DGKB: variants seen among roughly 807,000 people sequenced by gnomAD.
The protein encoded by DGKB is 90 kDa diacylglycerol kinase.
DGKB carries 67 observed loss-of-function variants against 114.3 expected under a neutral mutation model. The observed-to-expected ratio is 0.59, with a 90% CI of 0.48 to 0.72. DGKB has a LOEUF of 0.72. Among genes scored for constraint, DGKB ranks in the 30% least tolerant of loss-of-function variants. The pLI is 0.00. For synonymous variants in DGKB, 398 were observed against 323.1 expected (o/e 1.23, Z -2.49); for missense variants, 907 against 975.2 (o/e 0.93, Z 0.93).
intron 5 of DGKB, among the ~76,000 whole-genome samples, chr7:14,728,635 T>G (rs1386888949): frequency 6.6e-6 from 1 of 151,754 alleles, no homozygotes; most frequent in Non-Finnish European, 1.5e-5. Flanking sequence ...CCTATCTTAG[T>G]TTAAGTGAAT....
At chr7:14,280,347 A>C (rs1247011568) in intron 23 of DGKB, among the ~76,000 whole-genome samples, 2 of 152,110 alleles carry the variant, frequency 1.3e-5, no homozygotes, top group South Asian at 2.1e-4. Flanking sequence ...CCTCCAAGAA[A>C]TATGGGACTA....
intron 2 of DGKB, among the ~76,000 whole-genome samples, chr7:14,772,365 TG>T (rs776118249): frequency 1.3e-5 from 2 of 152,154 alleles, no homozygotes; most frequent in Admixed American, 6.6e-5. Flanking sequence ...AAAAAAGAAC[TG>T]GTTCTACAGT....
chr7:14,490,227 T>C (rs1187346261), intron 20 of DGKB, among the ~76,000 whole-genome samples: 2 of 152,176 alleles, frequency 1.3e-5, no homozygotes, highest in Non-Finnish European at 2.9e-5. Flanking sequence ...TATGTAACTA[T>C]ATGTAAATAG....
At chr7:14,223,535 A>T in intron 23 of DGKB, among the ~76,000 whole-genome samples, 2 of 151,938 alleles carry the variant, frequency 1.3e-5, no homozygotes, top group South Asian at 4.1e-4. Context: ...AATATATATA[A>T]AAAAGGGCAA....
intron 6 of DGKB, among the ~76,000 whole-genome samples, chr7:14,717,647 T>C (rs1828427499): frequency 6.6e-6 from 1 of 152,118 alleles, no homozygotes; most frequent in Non-Finnish European, 1.5e-5. Flanking sequence ...CCAATAATAA[T>C]TCTGAGACGT....
At chr7:14,370,492 C>G (rs1394627885) in intron 21 of DGKB, among the ~76,000 whole-genome samples, 1 of 152,026 alleles carries the variant, frequency 6.6e-6, no homozygotes, top group Non-Finnish European at 1.5e-5. Flanking sequence ...GGAGATAACA[C>G]TGAATCTATA....
intron 23 of DGKB, among the ~76,000 whole-genome samples, chr7:14,312,541 T>G (rs1365293801): frequency 6.6e-6 from 1 of 152,212 alleles, no homozygotes. Flanking sequence ...TATTTACTCT[T>G]GAGTACAATT....
At chr7:14,336,301 C>T (rs541743465) in intron 23 of DGKB, among the ~76,000 whole-genome samples, 5 of 152,016 alleles carry the variant, frequency 3.3e-5, no homozygotes, top group Non-Finnish European at 7.4e-5. Flanking sequence ...TAATATATAA[C>T]AGGTTTTTAA....
chr7:14,840,506 A>G (rs1011270274), intron 2 of DGKB, among the ~76,000 whole-genome samples: 1 of 152,166 alleles, frequency 6.6e-6, no homozygotes, highest in Non-Finnish European at 1.5e-5. Flanking sequence ...ATCTTACTCT[A>G]CATATGCAAA....
intron 25 of DGKB, among the ~76,000 whole-genome samples, chr7:14,175,360 A>T (rs1781572056): frequency 6.6e-6 from 1 of 152,180 alleles, no homozygotes; most frequent in African/African-American, 2.4e-5. Context: ...TTCTCTCCAA[A>T]TTTTAACTAC....
At chr7:14,678,510 A>T (rs1033865928) in intron 12 of DGKB, among the ~76,000 whole-genome samples, 1 of 152,032 alleles carries the variant, frequency 6.6e-6, no homozygotes, top group South Asian at 2.1e-4. Flanking sequence ...TGCCAACAGA[A>T]ATACACAGCT....
chr7:14,281,468 C>T (rs1198418565), intron 23 of DGKB, among the ~76,000 whole-genome samples: 6 of 145,368 alleles, frequency 4.1e-5, no homozygotes, highest in East Asian at 4.1e-4. Flanking sequence ...AGAAAGTCAA[C>T]AAGGATACCC....
At chr7:14,222,778 A>T (rs1413955351) in intron 23 of DGKB, among the ~76,000 whole-genome samples, 3 of 151,396 alleles carry the variant, frequency 2.0e-5, no homozygotes, top group African/African-American at 2.4e-5. Flanking sequence ...TTATTACTGA[A>T]TTGTCTATTT....
chr7:14,869,928 T>G (rs148828061), intron 1 of DGKB, among the ~76,000 whole-genome samples: 1,868 of 152,262 alleles, frequency 0.012, 27 homozygotes, highest in Admixed American at 0.018. Flanking sequence ...AATAATGTTT[T>G]ATAACCCACG....
intron 6 of DGKB, among the ~76,000 whole-genome samples, chr7:14,717,521 G>C (rs1334555083): frequency 2.6e-5 from 4 of 151,944 alleles, no homozygotes; most frequent in Admixed American, 6.6e-5. Flanking sequence ...ATATTCATAT[G>C]GTTTATTCAT....
chr7:14,953,759 C>T (rs2128261759), intron 1 of DGKB, among the ~76,000 whole-genome samples: 1 of 152,208 alleles, frequency 6.6e-6, no homozygotes, highest in African/African-American at 2.4e-5. Context: ...TTCATAGTAA[C>T]ATTATTCATA....
chr7:14,868,872 A>G (rs1438122853), intron 1 of DGKB, among the ~76,000 whole-genome samples: 2 of 152,142 alleles, frequency 1.3e-5, no homozygotes, highest in Non-Finnish European at 2.9e-5. Context: ...AATCAGTGTT[A>G]GTAAACTGTT....
chr7:14,453,003 A>G (rs74854209), intron 21 of DGKB, among the ~76,000 whole-genome samples: 3,564 of 152,238 alleles, frequency 0.023, 137 homozygotes, highest in Admixed American at 0.091. Flanking sequence ...TAAACATTGT[A>G]ACGTGGTCCA....
chr7:14,580,720 G>T (rs1799795345), intron 19 of DGKB, 142 bp downstream of exon 19: 2 of 481,006 alleles, frequency 4.2e-6, no homozygotes, highest in Non-Finnish European at 7.2e-6. Context: ...CAAGACTATT[G>T]TTCAAAATCA....
Sources: gnomAD v4.1 joint callset for allele counts (sites outside exome capture counted in the v4.1 genomes callset) on GRCh38, gnomAD v4.1.1 for gene constraint, MANE v1.5 for transcripts, NCBI Gene and HGNC (gene_info 2026-07-23, HGNC 2026-07-21) for gene names.